GADL1: variants seen among roughly 807,000 people sequenced by gnomAD.
The protein encoded by GADL1 is GAD like acidic amino acid decarboxylase 1, also known as acidic amino acid decarboxylase GADL1.
In GADL1, 71 loss-of-function variants were observed where a neutral mutation model predicts 69.5. That is an observed-to-expected ratio of 1.02 (90% CI 0.84 to 1.25). The LOEUF is 1.25. GADL1 is among the 50% of genes most tolerant of loss of function. The probability of loss-of-function intolerance (pLI) is 0.00; values close to 1 mark genes in which losing one functional copy is unlikely to be tolerated. For missense variants in GADL1, 737 were observed against 631.8 expected (o/e 1.17, Z -1.79); for synonymous variants, 254 against 214.4 (o/e 1.18, Z -1.62).
At position 30,790,932 on chromosome 3, in the gene GADL1, T is replaced by C. The variant is rs79470062; in HGVS notation, c.1251-4526A>G. On this transcript the variant is annotated intron_variant, in intron 12 of 14. Transcript: ENST00000282538. ...ATCCACTTAAAGCACAGGATGATCATGATAAATTAGTAAAAGATAAAAGTG... is the reference window on the plus strand; with the variant it reads ...ATCCACTTAAAGCACAGGATGATCACGATAAATTAGTAAAAGATAAAAGTG... 9.1e-3 allele frequency among the ~76,000 whole-genome samples: 1,379 copies of C among 152,150 alleles called. 18 individuals are homozygous for C. The highest frequency in any genetic ancestry group is 0.032 in the African/African-American group (1,319 of 41,522).
chr3:30,756,309 G>GA (rs1172009986), intron 14 of GADL1, among the ~76,000 whole-genome samples: 1 of 152,102 alleles, frequency 6.6e-6, no homozygotes, highest in African/African-American at 2.4e-5. Flanking sequence ...GAATAAGAAG[G>GA]AAATTGACTA....
rs1364948170 is a variant in GADL1 at position 30,727,328 on chromosome 3, A to G, written c.*914T>C. On this transcript the variant is annotated 3_prime_UTR_variant, in exon 15 of 15. Coordinates refer to ENST00000282538, the MANE Select transcript of GADL1 (RefSeq NM_207359.3). The stretch of plus-strand genomic sequence containing the variant: ...TTTCTATTTTGAAGACCAACAGTTT[A>G]TTAATTTATTAATAGAACCTGTATT... 1 of 150,500 alleles carries G rather than the reference A, an allele frequency of 6.6e-6. No individual in the cohort carries two copies. Among genetic ancestry groups the G allele is most frequent in the Admixed American group, 6.7e-5 (1 of 15,034 alleles). 9.3% of individuals were successfully genotyped at this position (150,500 alleles called of 1,614,324 possible).
intron 14 of GADL1, among the ~76,000 whole-genome samples, chr3:30,751,628 A>G (rs1695820539): frequency 6.6e-6 from 1 of 152,192 alleles, no homozygotes; most frequent in Non-Finnish European, 1.5e-5. Context: ...GTGAAAACTG[A>G]AAGACTGAAA....
chr3:30,728,207 A>T lies in GADL1; in HGVS notation c.*35T>A. 1 of 1,579,270 alleles carries T rather than the reference A, an allele frequency of 6.3e-7. No homozygotes were observed. The highest frequency in any genetic ancestry group is 8.7e-7 in the Non-Finnish European group (1 of 1,149,156). Reference sequence around the variant, plus strand: ...TGTTCTGGATCTAAACTCTCCCAGGATAGGATCTATGCCTCTGGGGGACCA... The same window carrying T: ...TGTTCTGGATCTAAACTCTCCCAGGTTAGGATCTATGCCTCTGGGGGACCA... On this transcript the variant is annotated 3_prime_UTR_variant, in exon 15 of 15. Coordinates refer to ENST00000282538, the MANE Select transcript of GADL1 (RefSeq NM_207359.3).
chr3:30,772,795 G>A (rs951022516), intron 14 of GADL1, among the ~76,000 whole-genome samples: 13 of 152,302 alleles, frequency 8.5e-5, no homozygotes, highest in African/African-American at 3.1e-4. Flanking sequence ...AGAATCGGTT[G>A]AACCCAGGAG....
intron 12 of GADL1, among the ~76,000 whole-genome samples, chr3:30,793,484 T>A (rs1696964973): frequency 1.3e-5 from 2 of 152,168 alleles, no homozygotes; most frequent in African/African-American, 4.8e-5. Context: ...GGCATTCAAG[T>A]AAGTGGACTC....
chr3:30,836,452 A>C (rs2125524975), intron 9 of GADL1, among the ~76,000 whole-genome samples: 1 of 151,836 alleles, frequency 6.6e-6, no homozygotes, highest in East Asian at 1.9e-4. Flanking sequence ...GCTGCACTCT[A>C]ATTCCTAACT....
chr3:30,808,029 C>CG (rs555884838), intron 11 of GADL1, among the ~76,000 whole-genome samples: 237 of 151,918 alleles, frequency 1.6e-3, no homozygotes, highest in African/African-American at 5.3e-3. Context: ...GAGACCCCTT[C>CG]GGGGGGGAAA....
intron 14 of GADL1, among the ~76,000 whole-genome samples, chr3:30,770,624 A>AT (rs1485411474): frequency 6.6e-6 from 1 of 152,138 alleles, no homozygotes; most frequent in African/African-American, 2.4e-5. Context: ...CTCCCACAAA[A>AT]ATTCCTGAGA....
chr3:30,759,371 G>T (rs1412937671), intron 14 of GADL1, among the ~76,000 whole-genome samples: 3 of 152,132 alleles, frequency 2.0e-5, no homozygotes, highest in Non-Finnish European at 4.4e-5. Flanking sequence ...TGTACCTCCA[G>T]TACTTGTTCC....
intron 14 of GADL1, among the ~76,000 whole-genome samples, chr3:30,751,916 A>AATATCCCATT (rs781117519): frequency 1.2e-4 from 19 of 152,312 alleles, no homozygotes; most frequent in Non-Finnish European, 2.4e-4. Flanking sequence ...TTCTCTCCCC[A>AATATCCCATT]ATATCCCATT....
At chr3:30,874,130 A>C (rs1267555279) in intron 1 of GADL1, among the ~76,000 whole-genome samples, 1 of 151,878 alleles carries the variant, frequency 6.6e-6, no homozygotes, top group Non-Finnish European at 1.5e-5. Context: ...TGAATTTCTT[A>C]GTGAAGTAGG....
chr3:30,848,023 C>A (rs544119732), intron 6 of GADL1, among the ~76,000 whole-genome samples: 1 of 152,110 alleles, frequency 6.6e-6, no homozygotes, highest in Non-Finnish European at 1.5e-5. Flanking sequence ...ATAACCTGGG[C>A]GCTATTTAAT....
At chr3:30,754,368 A>AAG (rs58524577) in intron 14 of GADL1, among the ~76,000 whole-genome samples, 60,910 of 148,028 alleles carry the variant, frequency 0.41, 12,520 homozygotes, top group East Asian at 0.51. Flanking sequence ...TCCTTCAGGA[A>AAG]AGAATATGTT....
intron 11 of GADL1, among the ~76,000 whole-genome samples, chr3:30,814,901 T>C (rs1482211938): frequency 6.6e-5 from 10 of 151,678 alleles, no homozygotes; most frequent in Admixed American, 6.6e-4. Context: ...GAGGCGGAGA[T>C]TTCAATGAGC....
intron 1 of GADL1, among the ~76,000 whole-genome samples, chr3:30,867,439 TAC>T (rs1553603472): frequency 7.2e-6 from 1 of 138,832 alleles, no homozygotes; most frequent in Non-Finnish European, 1.5e-5. Flanking sequence ...TATATATATA[TAC>T]ACATATATGT....
rs1184112210 is a variant in GADL1, at chr3:30,850,039, C to A, written c.608G>T (p.Gly203Val). ...GATTAATCTTGGCGAACCAGACAGC[C>A]CCTTTTCCTTAATATCAGGACAATA... is the stretch of plus-strand genomic sequence containing the variant. Reference protein sequence around the residue: ...YKYCPDIKEKGLSGSPRLILF... With the variant: ...YKYCPDIKEKVLSGSPRLILF... Residue 203 changes from glycine to valine, a missense_variant, in exon 6 of 15, where the codon GGG (glycine) becomes GTG (valine). Physicochemically the swap from Gly to Val is moderately radical, Grantham distance 109. Transcript: ENST00000282538. 1 of 1,611,496 alleles carries A rather than the reference C, an allele frequency of 6.2e-7. No homozygotes were observed. Among genetic ancestry groups the A allele is most frequent in the Admixed American group, 1.7e-5 (1 of 59,974 alleles).
intron 11 of GADL1, among the ~76,000 whole-genome samples, chr3:30,819,018 G>C (rs187247971): frequency 2.6e-5 from 4 of 151,956 alleles, no homozygotes; most frequent in Admixed American, 6.6e-5. Flanking sequence ...GAACACAGGG[G>C]GCTATCCCAG....
At chr3:30,786,057 G>A (rs902100801) in intron 13 of GADL1, among the ~76,000 whole-genome samples, 1 of 152,128 alleles carries the variant, frequency 6.6e-6, no homozygotes, top group Admixed American at 6.5e-5. Context: ...AATATTTGCA[G>A]TACAATCATG....
Sources: gnomAD v4.1 joint callset for allele counts (sites outside exome capture counted in the v4.1 genomes callset) on GRCh38, gnomAD v4.1.1 for gene constraint, MANE v1.5 for transcripts, NCBI Gene and HGNC (gene_info 2026-07-23, HGNC 2026-07-21) for gene names.